STAG1: variants seen among roughly 807,000 people sequenced by gnomAD.
STAG1 encodes the protein STAG1 cohesin complex component.
STAG1 carries 26 observed loss-of-function variants against 170.9 expected under a neutral mutation model. The observed-to-expected ratio is 0.15, with a 90% CI of 0.11 to 0.21. The LOEUF (loss-of-function observed/expected upper bound fraction) is 0.21, where lower values mean the gene tolerates loss of function less well. STAG1 is among the 10% of genes least tolerant of loss of function. The pLI, the probability that STAG1 is intolerant of heterozygous loss-of-function variation, is 1.00. For missense variants in STAG1, 964 were observed against 1,509.5 expected, an observed-to-expected ratio of 0.64 and a Z score of 5.99; for synonymous variants, 514 against 497.7, an observed-to-expected ratio of 1.03 and a Z score of -0.44.
chr3:136,609,793 C>T (rs961894713), intron 3 of STAG1, among the ~76,000 whole-genome samples: 2 of 152,100 alleles, frequency 1.3e-5, no homozygotes, highest in African/African-American at 4.8e-5. Context: ...AAATCATTCA[C>T]TGGTTATCTT....
intron 7 of STAG1, among the ~76,000 whole-genome samples, chr3:136,508,518 T>G (rs944140343): frequency 3.9e-5 from 6 of 152,046 alleles, no homozygotes; most frequent in African/African-American, 1.4e-4. Flanking sequence ...CAAGACTCCA[T>G]CTCTACAAAA....
At chr3:136,416,162 C>T (rs964688119) in intron 21 of STAG1, among the ~76,000 whole-genome samples, 5 of 152,008 alleles carry the variant, frequency 3.3e-5, no homozygotes, top group African/African-American at 1.2e-4. Context: ...TGCCCGCCAC[C>T]GTGCCTGGCT....
At chr3:136,380,529 C>T (rs1246424640) in intron 22 of STAG1, among the ~76,000 whole-genome samples, 3 of 151,946 alleles carry the variant, frequency 2.0e-5, no homozygotes, top group Non-Finnish European at 4.4e-5. Context: ...CGTGAGCCAC[C>T]GTGCCCAGCC....
In STAG1 at chr3:136,365,616, A is replaced by G. The variant is rs536181046; in HGVS notation, c.2685+1327T>C. Among the ~76,000 whole-genome samples, 7 of 152,310 alleles carry G rather than the reference A, an allele frequency of 4.6e-5. No individual in the cohort carries two copies. The South Asian group carries it at 1.4e-3, about 32-fold the overall frequency. Reference sequence around the variant, plus strand: ...AGTTCCAGGTGACTGATGGAAAATCAGGATGAGGAATAACTTTTCTGAACA... The same window carrying G: ...AGTTCCAGGTGACTGATGGAAAATCGGGATGAGGAATAACTTTTCTGAACA... On this transcript the variant is annotated intron_variant, in intron 25 of 33. Coordinates refer to ENST00000383202, the MANE Select transcript of STAG1 (RefSeq NM_005862.3).
At position 136,486,559 on chromosome 3, in the gene STAG1, A is replaced by G. The variant is rs892853166; in HGVS notation, c.903-9147T>C. Among the ~76,000 whole-genome samples, 44 of 152,318 alleles carry G rather than the reference A, an allele frequency of 2.9e-4. 1 individual carries two copies. Among genetic ancestry groups the G allele is most frequent in the African/African-American group, 1.0e-3 (43 of 41,566 alleles). Reference sequence around the variant, plus strand: ...ATCCATTACATTTTTCCTCTGCTATACTACCCTTGTAAAAGTCAATTCTAT... The same window carrying G: ...ATCCATTACATTTTTCCTCTGCTATGCTACCCTTGTAAAAGTCAATTCTAT... On this transcript the variant is annotated intron_variant, in intron 9 of 33. Coordinates refer to ENST00000383202, the MANE Select transcript of STAG1 (RefSeq NM_005862.3).
chr3:136,496,750 G>A (rs1933122847), intron 9 of STAG1, among the ~76,000 whole-genome samples: 1 of 151,926 alleles, frequency 6.6e-6, no homozygotes, highest in African/African-American at 2.4e-5. Context: ...AGCTGAAGAA[G>A]TGAAACCCAA....
intron 9 of STAG1, among the ~76,000 whole-genome samples, chr3:136,478,725 C>A (rs1370753119): frequency 6.6e-6 from 1 of 152,168 alleles, no homozygotes; most frequent in Non-Finnish European, 1.5e-5. Context: ...GGAAAACATT[C>A]TCTTTCCAAG....
chr3:136,632,773 T>A (rs1940382668), intron 1 of STAG1, among the ~76,000 whole-genome samples: 2 of 152,122 alleles, frequency 1.3e-5, no homozygotes, highest in Non-Finnish European at 2.9e-5. Flanking sequence ...GCACCTCTAA[T>A]TGATCTTTGA....
intron 1 of STAG1, among the ~76,000 whole-genome samples, chr3:136,705,933 G>C (rs1362246945): frequency 6.6e-6 from 1 of 151,898 alleles, no homozygotes; most frequent in Non-Finnish European, 1.5e-5. Context: ...CTTGAGCCCA[G>C]GAGTTCAACA....
At chr3:136,394,258 G>GATT (rs75522052) in intron 22 of STAG1, among the ~76,000 whole-genome samples, 2,013 of 152,262 alleles carry the variant, frequency 0.013, 28 homozygotes, top group Middle Eastern at 0.031. Flanking sequence ...TGCTTTTGAA[G>GATT]ATTATCACTT....
intron 21 of STAG1, among the ~76,000 whole-genome samples, chr3:136,401,004 C>T (rs966789191): frequency 5.9e-5 from 9 of 152,240 alleles, no homozygotes; most frequent in African/African-American, 1.7e-4. Flanking sequence ...TCCAGTCTCA[C>T]AAAGTAGTTT....
At chr3:136,708,948 C>A (rs1270059962) in intron 1 of STAG1, among the ~76,000 whole-genome samples, 2 of 143,206 alleles carry the variant, frequency 1.4e-5, no homozygotes, top group East Asian at 4.2e-4. Context: ...GGACCACAGG[C>A]ATGTACCACT....
chr3:136,434,909 T>C (rs994973776), intron 15 of STAG1, among the ~76,000 whole-genome samples: 15 of 152,196 alleles, frequency 9.9e-5, no homozygotes, highest in African/African-American at 3.6e-4. Context: ...AGTAGGTGGG[T>C]CTGTTTATTC....
intron 12 of STAG1, among the ~76,000 whole-genome samples, chr3:136,465,845 T>C (rs1486729529): frequency 6.6e-6 from 1 of 152,080 alleles, no homozygotes; most frequent in Non-Finnish European, 1.5e-5. Context: ...GCATAACCTC[T>C]ACGAAAAAAT....
At chr3:136,496,237 A>T (rs1933081718) in intron 9 of STAG1, among the ~76,000 whole-genome samples, 1 of 152,148 alleles carries the variant, frequency 6.6e-6, no homozygotes, top group Admixed American at 6.6e-5. Flanking sequence ...AACAGACCGA[A>T]AATCAGTAAA....
rs116489060 is a variant in STAG1, at chr3:136,685,781, G to C, written c.-83-54800C>G. Among the ~76,000 whole-genome samples, 218 of 152,192 alleles carry C rather than the reference G, an allele frequency of 1.4e-3. 2 individuals carry two copies. The highest frequency in any genetic ancestry group is 5.2e-3 in the African/African-American group (214 of 41,542). ...GATCCATGACTGCAAAGGGTTGGGG[G>C]GACTAGTATGCCGAGTATCAAAATC... On this transcript the variant is annotated intron_variant, in intron 1 of 33. Coordinates refer to ENST00000383202, the MANE Select transcript of STAG1 (RefSeq NM_005862.3).
At chr3:136,555,587 G>A (rs1936580204) in intron 5 of STAG1, among the ~76,000 whole-genome samples, 2 of 152,094 alleles carry the variant, frequency 1.3e-5, no homozygotes, top group Non-Finnish European at 2.9e-5. Context: ...GGAGGCTGAG[G>A]TAGTAGAATC....
chr3:136,495,238 T>C (rs1933016885), intron 9 of STAG1, among the ~76,000 whole-genome samples: 1 of 152,288 alleles, frequency 6.6e-6, no homozygotes, highest in Non-Finnish European at 1.5e-5. Context: ...TGAAAATTTG[T>C]ATGCAAAAAG....
chr3:136,385,038 A>G (rs1188472465), intron 22 of STAG1, among the ~76,000 whole-genome samples: 1 of 152,212 alleles, frequency 6.6e-6, no homozygotes, highest in African/African-American at 2.4e-5. Flanking sequence ...ATGCTACTTT[A>G]TCTACTTCTC....
Sources: allele counts gnomAD v4.1 joint callset (sites outside exome capture counted in the v4.1 genomes callset), GRCh38; gene constraint gnomAD v4.1.1; transcripts MANE v1.5; gene names NCBI Gene and HGNC (gene_info 2026-07-23, HGNC 2026-07-21).